Variants in PIK3C2G observed in about 807,000 individuals in gnomAD.
PIK3C2G encodes phosphatidylinositol-4-phosphate 3-kinase catalytic subunit type 2 gamma, also known as phosphatidylinositol 3-kinase C2 domain-containing subunit gamma.
A neutral mutation model predicts 181.1 loss-of-function variants in PIK3C2G; 168 were observed. The observed-to-expected ratio is 0.93, with a 90% CI of 0.82 to 1.05. The LOEUF (loss-of-function observed/expected upper bound fraction) is 1.05. Among genes scored for constraint, PIK3C2G ranks in the 50% least tolerant of loss-of-function variants. The pLI, the probability that PIK3C2G is intolerant of heterozygous loss-of-function variation, is 0.00. For synonymous variants in PIK3C2G, 573 were observed against 592.2 expected, an observed-to-expected ratio of 0.97 and a Z score of 0.47; for missense variants, 1,869 against 1,732.8, an observed-to-expected ratio of 1.08 and a Z score of -1.40.
chr12:18,584,090 G>A lies in PIK3C2G; in HGVS notation c.4012-10404G>A, dbSNP rs189219162. 1.7e-3 allele frequency among the ~76,000 whole-genome samples: 264 copies of A among 151,200 alleles called. 1 individual carries two copies. The highest frequency in any genetic ancestry group is 5.8e-3 in the African/African-American group (238 of 41,198). On this transcript the variant is annotated intron_variant, in intron 29 of 32. Coordinates refer to ENST00000538779, the MANE Select transcript of PIK3C2G (RefSeq NM_001288772.2). The stretch of plus-strand genomic sequence containing the variant: ...GTCGCCCAGGCTGGAGTTCAGTGGC[G>A]TGATCTCGGCTCACCACAAGGTCCA...
At chr12:18,452,704 G>C (rs1292911840) in intron 18 of PIK3C2G, among the ~76,000 whole-genome samples, 1 of 152,140 alleles carries the variant, frequency 6.6e-6, no homozygotes, top group Non-Finnish European at 1.5e-5. Flanking sequence ...TGGGCATTCA[G>C]TGCTACAAAT....
chr12:18,718,927 G>C, the PIK3C2G span, among the ~76,000 whole-genome samples: 1 of 151,970 alleles, frequency 6.6e-6, no homozygotes, highest in Non-Finnish European at 1.5e-5. Context: ...AATGCAATGT[G>C]GATTATTTTT....
intron 31 of PIK3C2G, among the ~76,000 whole-genome samples, chr12:18,616,684 C>T (rs909337403): frequency 1.1e-4 from 17 of 152,070 alleles, no homozygotes; most frequent in Middle Eastern, 3.4e-3. Flanking sequence ...TAATCTCTGC[C>T]CTTTCTCTAA....
chr12:18,398,102 C>G (rs1038594603), intron 15 of PIK3C2G, among the ~76,000 whole-genome samples: 1 of 151,982 alleles, frequency 6.6e-6, no homozygotes, highest in African/African-American at 2.4e-5. Flanking sequence ...AAAATGATAC[C>G]AGTGCTTGCC....
intron 11 of PIK3C2G, among the ~76,000 whole-genome samples, chr12:18,355,147 C>G (rs990107959): frequency 1.3e-5 from 2 of 152,180 alleles, no homozygotes; most frequent in African/African-American, 4.8e-5. Flanking sequence ...TGCCTGTTTC[C>G]TTGCTTGGAT....
chr12:18,399,401 A>G (rs982987562), intron 15 of PIK3C2G, among the ~76,000 whole-genome samples: 3 of 151,802 alleles, frequency 2.0e-5, no homozygotes, highest in Non-Finnish European at 4.4e-5. Context: ...AACACGAATA[A>G]GAGTGAACAA....
At chr12:18,710,788 C>T in the PIK3C2G span, among the ~76,000 whole-genome samples, 1 of 152,132 alleles carries the variant, frequency 6.6e-6, no homozygotes, top group African/African-American at 2.4e-5. Flanking sequence ...AAAAAATGCT[C>T]ATCATCACTG....
downstream of PIK3C2G, among the ~76,000 whole-genome samples, chr12:18,650,293 T>TTCTCTC (rs140285960): frequency 7.5e-4 from 66 of 87,734 alleles, no homozygotes; most frequent in East Asian, 1.3e-3. Flanking sequence ...TAACCCAAAT[T>TTCTCTC]TCTCTCTCTC....
the PIK3C2G span, chr12:18,694,855 ACTAT>A: frequency 8.3e-6 from 11 of 1,319,982 alleles, no homozygotes; most frequent in Non-Finnish European, 1.2e-5. Context: ...ACTAATGTAC[ACTAT>A]CTAGTTTATA....
chr12:18,566,264 G>T (rs1277973521), intron 28 of PIK3C2G, among the ~76,000 whole-genome samples: 1 of 152,154 alleles, frequency 6.6e-6, no homozygotes, highest in African/African-American at 2.4e-5. Flanking sequence ...TACCAAAGAA[G>T]CAGAAGTGTG....
At chr12:18,513,019 G>A (rs576605791) in intron 24 of PIK3C2G, among the ~76,000 whole-genome samples, 67 of 151,760 alleles carry the variant, frequency 4.4e-4, no homozygotes, top group African/African-American at 1.5e-3. Context: ...GTTACATTTT[G>A]TCACGTGATT....
At chr12:18,635,517 C>T (rs1176696903) in intron 31 of PIK3C2G, among the ~76,000 whole-genome samples, 1 of 152,208 alleles carries the variant, frequency 6.6e-6, no homozygotes, top group African/African-American at 2.4e-5. Context: ...TCAGTCACCA[C>T]TAAGGCCTAG....
Position 18,526,604 on chromosome 12 carries a change from C to A in PIK3C2G, c.3324-11552C>A, listed in dbSNP as rs538242336. Among the ~76,000 whole-genome samples the A allele has an allele frequency of 3.9e-5, 6 of 152,188 alleles. No individual in the cohort carries two copies. In the East Asian group the frequency reaches 1.2e-3, roughly 29 times the overall value. On this transcript the variant is annotated intron_variant, in intron 24 of 32. Coordinates refer to ENST00000538779, the MANE Select transcript of PIK3C2G (RefSeq NM_001288772.2). ...AACGTGCTATATTCTGTAACCCTAG[C>A]TGGAAATTTACCAAGGGTTTTTTGT... is the stretch of plus-strand genomic sequence containing the variant.
the PIK3C2G span, among the ~76,000 whole-genome samples, chr12:18,665,936 A>AC: frequency 6.7e-6 from 1 of 149,494 alleles, no homozygotes; most frequent in Admixed American, 6.7e-5. Flanking sequence ...CTCCATCTCA[A>AC]AAAAAAAAAA....
the PIK3C2G span, among the ~76,000 whole-genome samples, chr12:18,663,235 C>T: frequency 6.6e-6 from 1 of 151,750 alleles, no homozygotes; most frequent in Non-Finnish European, 1.5e-5. Context: ...AGCAGTTAGG[C>T]AAGAAAAGGA....
chr12:18,308,723 C>T (rs767128728), intron 5 of PIK3C2G, among the ~76,000 whole-genome samples: 12 of 151,486 alleles, frequency 7.9e-5, no homozygotes, highest in Non-Finnish European at 1.6e-4. Context: ...CTTTGTCTAT[C>T]AATATTTACC....
At chr12:18,691,102 A>ATAG in the PIK3C2G span, among the ~76,000 whole-genome samples, 1 of 152,152 alleles carries the variant, frequency 6.6e-6, no homozygotes, top group Admixed American at 6.6e-5. Context: ...GCAGCAAAAT[A>ATAG]GGTCAGATCA....
chr12:18,243,672 ATTAGTT>A, upstream of PIK3C2G, among the ~76,000 whole-genome samples: 1 of 151,976 alleles, frequency 6.6e-6, no homozygotes, highest in Non-Finnish European at 1.5e-5. Flanking sequence ...CTTTTTGTCT[ATTAGTT>A]TATGAAACTG....
chr12:18,563,302 C>A, intron 27 of PIK3C2G, 75 bp from the exon 28 acceptor site: 1 of 1,353,998 alleles, frequency 7.4e-7, no homozygotes, highest in Non-Finnish European at 1.0e-6. Context: ...GTTTGGTTTA[C>A]ATAAAATCGG....
Sources: allele counts gnomAD v4.1 joint callset (sites outside exome capture counted in the v4.1 genomes callset), GRCh38; gene constraint gnomAD v4.1.1; transcripts MANE v1.5; gene names NCBI Gene and HGNC (gene_info 2026-07-23, HGNC 2026-07-21).